The following VIPAS39 variants were observed in gnomAD, a reference collection of about 807,000 sequenced individuals.
VIPAS39 encodes VPS33B interacting protein, apical-basolateral polarity regulator, spe-39 homolog.
A neutral mutation model predicts 84.7 loss-of-function variants in VIPAS39; 63 were observed. The observed-to-expected ratio is 0.74, with a 90% CI of 0.61 to 0.92. The LOEUF (loss-of-function observed/expected upper bound fraction) is 0.92. Ranked by LOEUF, VIPAS39 falls within the 40% of genes least tolerant of loss-of-function variation. VIPAS39 has a pLI of 0.00. For missense variants in VIPAS39, 499 were observed against 604.5 expected (o/e 0.83, Z 1.83); for synonymous variants, 192 against 216.5 (o/e 0.89, Z 0.99).
chr14:77,440,366 A>G (rs1196641841), intron 11 of VIPAS39: 2 of 152,226 alleles, frequency 1.3e-5, no homozygotes, highest in Non-Finnish European at 2.9e-5. Flanking sequence ...ATTCTCAGCC[A>G]AAACGTGTAT....
At chr14:77,442,828 T>C (rs1409978487) in intron 9 of VIPAS39, among the ~76,000 whole-genome samples, 166 bp from the exon 10 acceptor site, 1 of 152,210 alleles carries the variant, frequency 6.6e-6, no homozygotes, top group Non-Finnish European at 1.5e-5. Flanking sequence ...ACTCAGCTCA[T>C]AGCCATTAAA....
At chr14:77,449,437 A>C in intron 5 of VIPAS39, 80 bp from the exon 6 acceptor site, 2 of 1,572,488 alleles carry the variant, frequency 1.3e-6, no homozygotes, top group African/African-American at 2.7e-5. Context: ...CTTCGTTCTC[A>C]CATTTTTTTG....
chr14:77,453,279 C>T lies in VIPAS39; in HGVS notation c.196+20G>A, dbSNP rs1315161219. 6.2e-7 allele frequency: 1 copy of T among 1,610,318 alleles called. No homozygotes were observed. The highest frequency in any genetic ancestry group is 1.1e-5 in the South Asian group (1 of 91,004). ...AAGAATCCTCAACATCTATCCCTGC[C>T]TAGGGACTCTTCTACTTACTTCCCA... On this transcript the variant is annotated intron_variant, in intron 3 of 19. Coordinates refer to ENST00000557658, the MANE Select transcript of VIPAS39 (RefSeq NM_001193315.2).
At position 77,449,737 on chromosome 14, in the gene VIPAS39, C is replaced by T. The variant is rs775051184; in HGVS notation, c.359G>A (p.Gly120Glu). ...ACCATCAGAAAGGGACTGGAAACTTCCAGGTCTAGTTCTACCTAAAGGTAA... is the reference window on the plus strand; with the variant it reads ...ACCATCAGAAAGGGACTGGAAACTTTCAGGTCTAGTTCTACCTAAAGGTAA... Reference protein sequence around the residue: ...SSFFRGRTRPGSFQSLSDALS... With the variant: ...SSFFRGRTRPESFQSLSDALS... Residue 120 changes from glycine (G) to glutamate (E), a missense_variant, in exon 5 of 20, where the codon GGA (glycine) becomes GAA (glutamate). Physicochemically the swap from Gly to Glu is moderately conservative, Grantham distance 98. Coordinates refer to ENST00000557658, the MANE Select transcript of VIPAS39 (RefSeq NM_001193315.2). 3.7e-6 allele frequency: 6 copies of T among 1,613,998 alleles called. No individual in the cohort carries two copies. Among genetic ancestry groups the T allele is most frequent in the South Asian group, 3.3e-5 (3 of 91,090 alleles).
chr14:77,435,099 T>C (rs1354045699), intron 14 of VIPAS39, 160 bp downstream of exon 14: 1 of 1,092,708 alleles, frequency 9.2e-7, no homozygotes, highest in East Asian at 2.4e-5. Context: ...CCTGGCCAGA[T>C]GAGGCCCTCT....
In VIPAS39 at chr14:77,441,112, G is replaced by C; in HGVS notation, c.735-19C>G. The C allele has an allele frequency of 1.2e-6, 2 of 1,612,434 alleles. No individual in the cohort carries two copies. The highest frequency in any genetic ancestry group is 1.7e-6 in the Non-Finnish European group (2 of 1,179,520). ...TAGGAACCTGGGAAGAAGCAGAAGG[G>C]AGCAGGGCATTTGTATCTATTGATG... On this transcript the variant is annotated intron_variant, in intron 10 of 19. Coordinates refer to ENST00000557658, the MANE Select transcript of VIPAS39 (RefSeq NM_001193315.2).
At chr14:77,431,716 T>TA (rs1222380134) in intron 16 of VIPAS39, among the ~76,000 whole-genome samples, 1 of 152,124 alleles carries the variant, frequency 6.6e-6, no homozygotes, top group Non-Finnish European at 1.5e-5. Context: ...TATGACCCAG[T>TA]AATCAATCTT....
At chr14:77,444,023 A>C (rs949425123) in intron 8 of VIPAS39, among the ~76,000 whole-genome samples, 1 of 148,856 alleles carries the variant, frequency 6.7e-6, no homozygotes, top group Non-Finnish European at 1.5e-5. Context: ...CCTGGGCAAC[A>C]GAGCAAGACC....
chr14:77,442,699 A>C (rs2078722216), intron 9 of VIPAS39, 37 bp from the exon 10 acceptor site: 2 of 1,585,766 alleles, frequency 1.3e-6, no homozygotes, highest in Non-Finnish European at 1.7e-6. Context: ...AGAAAGATTA[A>C]AGCCAATTAG....
intron 16 of VIPAS39, among the ~76,000 whole-genome samples, 159 bp from the exon 17 acceptor site, chr14:77,429,926 G>A (rs901046830): frequency 6.6e-6 from 1 of 152,300 alleles, no homozygotes; most frequent in East Asian, 1.9e-4. Context: ...GAAAAATCAA[G>A]GGATTTGAGA....
At chr14:77,430,190 A>G (rs549192822) in intron 16 of VIPAS39, among the ~76,000 whole-genome samples, 6 of 152,192 alleles carry the variant, frequency 3.9e-5, no homozygotes, top group Non-Finnish European at 8.8e-5. Context: ...GGGGTGAGAT[A>G]GGAGTAGGTA....
chr14:77,444,401 C>G, intron 7 of VIPAS39, 60 bp from the exon 8 acceptor site: 1 of 1,447,014 alleles, frequency 6.9e-7, no homozygotes, highest in Non-Finnish European at 9.6e-7. Flanking sequence ...TCCTTTGTTG[C>G]TGGATACTAA....
intron 10 of VIPAS39, among the ~76,000 whole-genome samples, chr14:77,442,346 C>T (rs1172391527): frequency 6.6e-6 from 1 of 152,126 alleles, no homozygotes; most frequent in Non-Finnish European, 1.5e-5. Context: ...AGCATTCAAC[C>T]CAAGTGCATG....
At position 77,449,701 on chromosome 14, in the gene VIPAS39, G is replaced by T; in HGVS notation, c.382+13C>A. The T allele has an allele frequency of 6.2e-7, 1 of 1,614,130 alleles. No individual in the cohort carries two copies. Among genetic ancestry groups the T allele is most frequent in the Non-Finnish European group, 8.5e-7 (1 of 1,180,004 alleles). On this transcript the variant is annotated intron_variant, in intron 5 of 19. Transcript: ENST00000557658. ...CATTTCCCACAGCAATTAAAAGAGG[G>T]TTCAATGCCTACCATCAGAAAGGGA...
At chr14:77,449,148 T>G in intron 6 of VIPAS39, 145 bp downstream of exon 6, 1 of 889,500 alleles carries the variant, frequency 1.1e-6, no homozygotes, top group Non-Finnish European at 1.8e-6. Context: ...AGGTAAGCCC[T>G]CATGTTTAGA....
At chr14:77,448,446 A>G (rs1177389441) in intron 7 of VIPAS39, 48 bp downstream of exon 7, 1 of 1,576,612 alleles carries the variant, frequency 6.3e-7, no homozygotes, top group Admixed American at 1.7e-5. Context: ...CTGTGTGAAC[A>G]AGCTGCCCAG....
intron 16 of VIPAS39, among the ~76,000 whole-genome samples, chr14:77,430,087 A>G (rs1318327940): frequency 1.3e-5 from 2 of 152,222 alleles, no homozygotes; most frequent in African/African-American, 2.4e-5. Context: ...CATCTTCCAT[A>G]TCTTTGTAAG....
intron 3 of VIPAS39, among the ~76,000 whole-genome samples, chr14:77,452,403 AC>A (rs1353446749): frequency 6.6e-6 from 1 of 151,284 alleles, no homozygotes; most frequent in African/African-American, 2.5e-5. Context: ...TTCACTGTAG[AC>A]CTTTAATTTT....
At chr14:77,450,329 C>T (rs1237396989) in intron 4 of VIPAS39, among the ~76,000 whole-genome samples, 1 of 152,114 alleles carries the variant, frequency 6.6e-6, no homozygotes, top group Admixed American at 6.5e-5. Context: ...GAGTAACATT[C>T]CGCTGCATGT....
Sources: allele counts gnomAD v4.1 joint callset (sites outside exome capture counted in the v4.1 genomes callset), GRCh38; gene constraint gnomAD v4.1.1; transcripts MANE v1.5; gene names NCBI Gene and HGNC (gene_info 2026-07-23, HGNC 2026-07-21).